Variants in LAMB1 observed in about 807,000 individuals in gnomAD.
The protein encoded by LAMB1 is laminin subunit beta-1.
LAMB1 carries 121 observed loss-of-function variants against 222.3 expected under a neutral mutation model. That is an observed-to-expected ratio of 0.54 (90% confidence interval 0.47 to 0.63). The LOEUF (loss-of-function observed/expected upper bound fraction) is 0.63. Ranked by LOEUF, LAMB1 falls within the 30% of genes least tolerant of loss-of-function variation. The pLI is 0.00. For missense variants in LAMB1, 2,172 were observed against 2,240.8 expected, an observed-to-expected ratio of 0.97 and a Z score of 0.62; for synonymous variants, 794 against 807.2, an observed-to-expected ratio of 0.98 and a Z score of 0.28.
rs2072210 is a variant in LAMB1, at chr7:107,951,958, G to A, written c.3294+51C>T. On this transcript the variant is annotated intron_variant, in intron 23 of 33. Transcript: ENST00000222399. ...GCTCTAACTGGGGCAAAGTCACCAT[G>A]GGCTGACACCTGAGCTCATAAAGGC... 0.26 allele frequency: 383,625 copies of A among 1,491,184 alleles called. 54,420 individuals are homozygous for A. Among genetic ancestry groups the A allele is most frequent in the African/African-American group, 0.52 (37,328 of 72,360 alleles). The allele number at this position is 1,491,184 out of a possible 1,614,324, so 92.4% of individuals were successfully genotyped here. A position where few individuals can be genotyped will look rare whatever the true frequency, so the allele number is the denominator to read the frequency against.
In LAMB1 at chr7:107,931,460, C is replaced by G. The variant is rs2032708929; in HGVS notation, c.4433G>C (p.Ser1478Thr). 1.2e-6 allele frequency: 2 copies of G among 1,613,684 alleles called. No individual in the cohort carries two copies. Among genetic ancestry groups the G allele is most frequent in the Middle Eastern group, 1.7e-4 (1 of 6,058 alleles). The change falls in exon 29 of 34, where the codon AGT becomes ACT. Residue 1478 changes from serine to threonine, a missense_variant. Ser to Thr is a moderately conservative substitution (Grantham distance 58). Coordinates refer to ENST00000222399, the MANE Select transcript of LAMB1 (RefSeq NM_002291.3). ...AKLRADEAKQ[S>T]AEDILLKTNA... ...TGTCTTCAACAGAATGTCTTCAGCACTTTGTTTTGCCTCATCTGCCCTCAG... is the reference window on the plus strand; with the variant it reads ...TGTCTTCAACAGAATGTCTTCAGCAGTTTGTTTTGCCTCATCTGCCCTCAG...
At chr7:107,984,031 C>T (rs1203310639) in intron 7 of LAMB1, among the ~76,000 whole-genome samples, 1 of 152,094 alleles carries the variant, frequency 6.6e-6, no homozygotes, top group African/African-American at 2.4e-5. Flanking sequence ...AAATGCAACC[C>T]TCATTTTATT....
chr7:107,933,641 A>G (rs1484631554), intron 27 of LAMB1, among the ~76,000 whole-genome samples: 1 of 152,020 alleles, frequency 6.6e-6, no homozygotes, highest in Admixed American at 6.5e-5. Context: ...CTAAACATCC[A>G]CAAAGATACA....
At chr7:108,003,016 G>C (rs1000569984) in intron 1 of LAMB1, 45 bp from the exon 2 acceptor site, 12 of 1,495,056 alleles carry the variant, frequency 8.0e-6, no homozygotes, top group South Asian at 8.0e-5. Flanking sequence ...TGTTCAAAGA[G>C]AGAAGAGGCG....
chr7:107,975,784 C>G lies in LAMB1; in HGVS notation c.1094G>C (p.Cys365Ser), dbSNP rs2033842053. The G allele has an allele frequency of 6.2e-7, 1 of 1,613,916 alleles. No individual in the cohort carries two copies. Among genetic ancestry groups the G allele is most frequent in the Admixed American group, 1.7e-5 (1 of 59,974 alleles). The change falls in exon 10 of 34, where the codon TGT (cysteine) becomes TCT (serine). Residue 365 changes from cysteine to serine, a missense_variant. By Grantham distance (112) the Cys-to-Ser change is moderately radical (BLOSUM62 -1). Transcript: ENST00000222399. ...GNVSGGVCDD[C>S]QHNTMGRNCE... ...GTTGCGCCCCATGGTGTTGTGCTGA[C>G]AGTCATCACACACGCCTCCGCTGAC...
intron 14 of LAMB1, among the ~76,000 whole-genome samples, chr7:107,964,346 T>G (rs1190164865): frequency 6.6e-6 from 1 of 152,208 alleles, no homozygotes; most frequent in Non-Finnish European, 1.5e-5. Context: ...GCCTTATCAG[T>G]GAATGCTCCA....
In LAMB1 at chr7:107,924,562, A is replaced by C. The variant is rs7797759; in HGVS notation, c.5065-173T>G. Reference sequence around the variant, plus strand: ...CAGTGGAATTGAATGCAAAATTGACATGATTTTAAAGAACATTTCAAAAAA... The same window carrying C: ...CAGTGGAATTGAATGCAAAATTGACCTGATTTTAAAGAACATTTCAAAAAA... On this transcript the variant is annotated intron_variant, in intron 32 of 33. Coordinates refer to ENST00000222399, the MANE Select transcript of LAMB1 (RefSeq NM_002291.3). Among the ~76,000 whole-genome samples, 78,957 of 152,046 alleles carry C rather than the reference A, an allele frequency of 0.52. 21,993 individuals carry two copies. The highest frequency in any genetic ancestry group is 0.85 in the East Asian group (4,394 of 5,176).
chr7:107,988,884 G>A (rs2034131184), intron 5 of LAMB1, among the ~76,000 whole-genome samples: 1 of 152,218 alleles, frequency 6.6e-6, no homozygotes, highest in Non-Finnish European at 1.5e-5. Flanking sequence ...CTATGGAACT[G>A]TGAGAAGACA....
chr7:107,936,962 C>G (rs1002403973), intron 26 of LAMB1, 131 bp downstream of exon 26: 1 of 714,820 alleles, frequency 1.4e-6, no homozygotes, highest in Non-Finnish European at 2.2e-6. Context: ...TCATTTGTGC[C>G]AGAAACTGGA....
chr7:107,953,625 C>A lies in LAMB1; in HGVS notation c.2984G>T (p.Gly995Val). The part of the protein sequence containing the change: ...TDPEACDKET[G>V]RCLKCLYHTE... ...GTGGTACAGGCACTTGAGACACCTC[C>A]CAGTCTCCTTGTCACAGGCTTCTGG... Residue 995 changes from glycine (G) to valine (V), a missense_variant, in exon 22 of 34, where the codon GGG becomes GTG. Coordinates refer to ENST00000222399, the MANE Select transcript of LAMB1 (RefSeq NM_002291.3). 6.2e-7 allele frequency: 1 copy of A among 1,614,158 alleles called. No individual in the cohort carries two copies. Among genetic ancestry groups the A allele is most frequent in the Non-Finnish European group, 8.5e-7 (1 of 1,180,022 alleles).
chr7:107,982,778 C>T (rs2033998734), intron 7 of LAMB1, among the ~76,000 whole-genome samples: 1 of 152,162 alleles, frequency 6.6e-6, no homozygotes, highest in South Asian at 2.1e-4. Context: ...TGAAGTGAGT[C>T]TCAGGTCTCA....
At position 107,929,053 on chromosome 7, in the gene LAMB1, T is replaced by C; in HGVS notation, c.4887+11A>G. 1 of 1,612,978 alleles carries C rather than the reference T, an allele frequency of 6.2e-7. No homozygotes were observed. On this transcript the variant is annotated intron_variant, in intron 31 of 33. Coordinates refer to ENST00000222399, the MANE Select transcript of LAMB1 (RefSeq NM_002291.3). ...TGTGTTCCCATTCATGTAATGATTGTGTATGCCTACCGAAGTTAACAGGTT... is the reference window on the plus strand; with the variant it reads ...TGTGTTCCCATTCATGTAATGATTGCGTATGCCTACCGAAGTTAACAGGTT...
chr7:107,923,847 A>AAAAACATTAAATAGG lies in LAMB1; in HGVS notation c.*89_*103dup, dbSNP rs2032487753. On this transcript the variant is annotated 3_prime_UTR_variant, in exon 34 of 34. Coordinates refer to ENST00000222399, the MANE Select transcript of LAMB1 (RefSeq NM_002291.3). ...ATTTAACTCCATACAAAATGTGATT[A>AAAAACATTAAATAGG]AAAACATTAAATAGGTGATGTTTTA... 1.1e-5 allele frequency: 12 copies of AAAAACATTAAATAGG among 1,075,528 alleles called. No individual in the cohort carries two copies. Among genetic ancestry groups the AAAAACATTAAATAGG allele is most frequent in the Non-Finnish European group, 1.6e-5 (12 of 749,090 alleles). 66.6% of individuals were successfully genotyped at this position (1,075,528 alleles called of 1,614,324 possible).
intron 24 of LAMB1, among the ~76,000 whole-genome samples, chr7:107,950,091 GT>G (rs1562984309): frequency 1.3e-5 from 2 of 152,152 alleles, no homozygotes; most frequent in African/African-American, 2.4e-5. Context: ...TTAGCCGGGC[GT>G]GGTGGCGCTT....
chr7:107,972,657 T>C (rs943521927), intron 13 of LAMB1, among the ~76,000 whole-genome samples: 1 of 151,956 alleles, frequency 6.6e-6, no homozygotes, highest in Non-Finnish European at 1.5e-5. Context: ...CCATTTTCCA[T>C]GTGCTTAGAT....
At chr7:107,973,452 A>C (rs1039352880) in intron 12 of LAMB1, among the ~76,000 whole-genome samples, 1 of 152,282 alleles carries the variant, frequency 6.6e-6, no homozygotes, top group South Asian at 2.1e-4. Flanking sequence ...TCAGTCTGTC[A>C]TCAATCCCAT....
At chr7:107,988,073 C>A (rs1016067422) in intron 5 of LAMB1, among the ~76,000 whole-genome samples, 1 of 152,132 alleles carries the variant, frequency 6.6e-6, no homozygotes, top group Non-Finnish European at 1.5e-5. Context: ...CGGTTTTAAC[C>A]TGAGAAATTA....
chr7:108,002,984 A>T lies in LAMB1; in HGVS notation c.-86-13T>A. 6.4e-7 allele frequency: 1 copy of T among 1,574,194 alleles called. No individual in the cohort carries two copies. The highest frequency in any genetic ancestry group is 8.6e-7 in the Non-Finnish European group (1 of 1,166,840). The stretch of plus-strand genomic sequence containing the variant: ...CCCGTCTTCCTTTCTGGAGAGGTGG[A>T]AAGGAGGGGAAAAAAGGCAAATGTT... On this transcript the variant is annotated splice_polypyrimidine_tract_variant and intron_variant, in intron 1 of 33. Transcript: ENST00000222399.
chr7:107,941,619 A>G (rs763559121), intron 24 of LAMB1, among the ~76,000 whole-genome samples: 39 of 151,782 alleles, frequency 2.6e-4, no homozygotes, highest in Non-Finnish European at 4.7e-4. Flanking sequence ...TGCAATGTCA[A>G]CTGTGGCAAA....
Sources: gnomAD v4.1 joint callset for allele counts (sites outside exome capture counted in the v4.1 genomes callset) on GRCh38, gnomAD v4.1.1 for gene constraint, MANE v1.5 for transcripts, NCBI Gene and HGNC (gene_info 2026-07-23, HGNC 2026-07-21) for gene names.